The following FNIP2 variants were observed in gnomAD, a reference collection of about 807,000 sequenced individuals.
The protein encoded by FNIP2 is folliculin-interacting protein 2.
In FNIP2, 32 loss-of-function variants were observed where a neutral mutation model predicts 108.7. The ratio of observed to expected loss-of-function variants is 0.29; its 90% CI spans 0.22 to 0.40. FNIP2 has a LOEUF of 0.40. Ranked by LOEUF, FNIP2 falls within the 10% of genes least tolerant of loss-of-function variation. FNIP2 has a pLI of 1.00. For missense variants in FNIP2, 1,202 were observed against 1,381.6 expected (o/e 0.87, Z 2.06); for synonymous variants, 480 against 496.7 (o/e 0.97, Z 0.45).
intron 1 of FNIP2, among the ~76,000 whole-genome samples, chr4:158,782,886 A>G (rs570249567): frequency 6.6e-6 from 1 of 152,272 alleles, no homozygotes; most frequent in Non-Finnish European, 1.5e-5. Context: ...GAAGCGCACA[A>G]CCTCTGCTTG....
In FNIP2 at chr4:158,868,227, C is replaced by T; in HGVS notation, c.1591C>T (p.Gln531Ter). Residue 531 changes from glutamine (Q) to a stop codon, truncating the protein, a stop_gained, in exon 13 of 17, where the codon CAA (glutamine) becomes TAA (stop). Coordinates refer to ENST00000264433, the MANE Select transcript of FNIP2 (RefSeq NM_020840.3). LOFTEE classifies it high-confidence loss of function. The surrounding 1 kb of genome is among the most constrained non-coding windows in gnomAD (Gnocchi z 4.6). ...LTYFLRCSEL[Q>*]ENQLTWSGNH... The stretch of plus-strand genomic sequence containing the variant: ...CTACTTTCTCCGTTGCTCTGAGCTA[C>T]AAGAGAACCAGCTGACCTGGAGTGG... 6.2e-7 allele frequency: 1 copy of T among 1,614,060 alleles called. No homozygotes were observed. The highest frequency in any genetic ancestry group is 8.5e-7 in the Non-Finnish European group (1 of 1,179,910).
chr4:158,906,855 C>T lies in FNIP2; in HGVS notation c.*2311C>T, dbSNP rs932935614. 1 of 152,082 alleles carries T rather than the reference C, an allele frequency of 6.6e-6. No homozygotes were observed. The highest frequency in any genetic ancestry group is 2.4e-5 in the African/African-American group (1 of 41,402). 9.4% of individuals were successfully genotyped at this position (152,082 alleles called of 1,614,324 possible). A position where few individuals can be genotyped will look rare whatever the true frequency, so the allele number is the denominator to read the frequency against. On this transcript the variant is annotated 3_prime_UTR_variant, in exon 17 of 17. Transcript: ENST00000264433. The stretch of plus-strand genomic sequence containing the variant: ...GTGTTGAGATCCACCGCTCACACGC[C>T]GTACACCACCCAGTGGCTTCATTCT...
chr4:158,791,118 GAGA>G (rs1048895234), intron 1 of FNIP2, among the ~76,000 whole-genome samples: 7 of 151,792 alleles, frequency 4.6e-5, no homozygotes, highest in Non-Finnish European at 7.4e-5. Flanking sequence ...AGCAATAAAC[GAGA>G]AGGTGGAATT....
At chr4:158,780,799 G>C (rs1776016231) in intron 1 of FNIP2, among the ~76,000 whole-genome samples, 2 of 152,210 alleles carry the variant, frequency 1.3e-5, no homozygotes, top group Non-Finnish European at 2.9e-5. Flanking sequence ...CTGGGAGGCT[G>C]AGGCAGGCAG....
chr4:158,869,017 G>C lies in FNIP2; in HGVS notation c.2381G>C (p.Gly794Ala), dbSNP rs1560817508. 1.2e-6 allele frequency: 2 copies of C among 1,614,010 alleles called. No individual in the cohort carries two copies. Among genetic ancestry groups the C allele is most frequent in the Middle Eastern group, 1.6e-4 (1 of 6,062 alleles). The change falls in exon 13 of 17, where the codon GGT (glycine) becomes GCT (alanine). Residue 794 changes from glycine (G) to alanine (A), a missense_variant. Coordinates refer to ENST00000264433, the MANE Select transcript of FNIP2 (RefSeq NM_020840.3). ...SEGDEGESDK[G>A]FAEDRGSRND... ...GGGGATGAAGGCGAGTCTGACAAGG[G>C]TTTTGCAGAGGACAGAGGCAGCAGA...
chr4:158,863,511 G>A (rs138725891), intron 12 of FNIP2, among the ~76,000 whole-genome samples: 3 of 152,162 alleles, frequency 2.0e-5, no homozygotes, highest in African/African-American at 4.8e-5. Flanking sequence ...GAGGGAAGCC[G>A]GATGCCACTT....
At chr4:158,882,942 C>T (rs1781771649) in intron 14 of FNIP2, among the ~76,000 whole-genome samples, 1 of 151,928 alleles carries the variant, frequency 6.6e-6, no homozygotes, top group African/African-American at 2.4e-5. Flanking sequence ...CCACTATTGT[C>T]CTATGACCCT....
At chr4:158,861,267 T>C (rs958355837) in intron 10 of FNIP2, 75 bp from the exon 11 acceptor site, 2 of 1,481,474 alleles carry the variant, frequency 1.4e-6, no homozygotes, top group Admixed American at 4.8e-5. Flanking sequence ...GTTTTCTCCT[T>C]TATTCTTTTA....
chr4:158,895,778 A>G lies in FNIP2; in HGVS notation c.3179A>G (p.Gln1060Arg). The G allele has an allele frequency of 1.2e-6, 2 of 1,612,720 alleles. No individual in the cohort carries two copies. The highest frequency in any genetic ancestry group is 1.7e-6 in the Non-Finnish European group (2 of 1,179,242). ...ATCATGCATCTTGAAGATAGACTAC[A>G]GGAGATGTACCTTAAAAGTAAAATG... ...FCIMHLEDRLQEMYLKSKMLS... is the reference protein window; with the variant it reads ...FCIMHLEDRLREMYLKSKMLS... Residue 1060 changes from glutamine to arginine, a missense_variant, in exon 16 of 17, where the codon CAG becomes CGG. Physicochemically the swap from Gln to Arg is conservative, Grantham distance 43. Around this residue, in one of 5 missense-constraint regions of FNIP2, gnomAD observed 142 missense variants for 183.8 expected, o/e 0.77. Transcript: ENST00000264433.
intron 14 of FNIP2, chr4:158,871,852 C>T: frequency 1.0e-6 from 1 of 985,432 alleles, no homozygotes; most frequent in Non-Finnish European, 1.2e-6. Context: ...AAAATGCCCT[C>T]ATTGTATAAT....
rs183255399 is a variant in FNIP2, at chr4:158,845,329, A to G, written c.728-5992A>G. On this transcript the variant is annotated intron_variant, in intron 7 of 16. Transcript: ENST00000264433. ...GCACAGCTAGCACTGAACTCATGCAAAAGTTCTTTTCATTATCATGTAGAT... is the reference window on the plus strand; with the variant it reads ...GCACAGCTAGCACTGAACTCATGCAGAAGTTCTTTTCATTATCATGTAGAT... 5.3e-5 allele frequency among the ~76,000 whole-genome samples: 8 copies of G among 152,344 alleles called. No individual in the cohort carries two copies. The East Asian group carries it at 1.5e-3, about 29-fold the overall frequency.
chr4:158,780,820 G>C (rs1202986479), intron 1 of FNIP2, among the ~76,000 whole-genome samples: 4 of 152,098 alleles, frequency 2.6e-5, no homozygotes, highest in African/African-American at 9.7e-5. Context: ...ATCATTTGAG[G>C]TCAGGAGTTC....
intron 8 of FNIP2, among the ~76,000 whole-genome samples, chr4:158,857,568 A>G (rs937404666): frequency 1.3e-5 from 2 of 152,204 alleles, no homozygotes; most frequent in Non-Finnish European, 2.9e-5. Flanking sequence ...AACCATACCT[A>G]CATCTCCAGG....
intron 1 of FNIP2, among the ~76,000 whole-genome samples, chr4:158,771,686 C>T (rs1041750931): frequency 1.3e-5 from 2 of 152,294 alleles, no homozygotes; most frequent in East Asian, 3.9e-4. Flanking sequence ...ATTGAAAATT[C>T]ACTGAGGATT....
intron 6 of FNIP2, chr4:158,833,855 C>T: frequency 6.7e-7 from 1 of 1,482,466 alleles, no homozygotes. Flanking sequence ...GAAGGAGGAC[C>T]TCTCCGGCTC....
chr4:158,859,309 G>A (rs1269266772), intron 9 of FNIP2, 51 bp downstream of exon 9: 1 of 1,519,984 alleles, frequency 6.6e-7, no homozygotes, highest in East Asian at 2.4e-5. Flanking sequence ...GTGGGGCTTT[G>A]AAGATGGCAG....
At chr4:158,797,392 G>C (rs564790638) in intron 1 of FNIP2, among the ~76,000 whole-genome samples, 1 of 152,140 alleles carries the variant, frequency 6.6e-6, no homozygotes, top group Admixed American at 6.5e-5. Flanking sequence ...AGGCTATTAC[G>C]GTAGTCCTGG....
Position 158,861,440 on chromosome 4 carries a change from G to C in FNIP2, c.1247G>C (p.Arg416Pro). The part of the protein sequence containing the change: ...GTLEKNQLCQ[R>P]FLKEFTLLIE... ...TTGGAAAAAAACCAGCTCTGCCAGCGCTTTCTCAAGGAGTTTACACTTCTG... is the reference window on the plus strand; with the variant it reads ...TTGGAAAAAAACCAGCTCTGCCAGCCCTTTCTCAAGGAGTTTACACTTCTG... The change falls in exon 11 of 17, where the codon CGC (arginine) becomes CCC (proline). Residue 416 changes from arginine to proline, a missense_variant. Arg to Pro is a moderately radical substitution (Grantham distance 103, BLOSUM62 -2). This residue lies in a region of FNIP2 where 878 missense variants were observed against 990.3 expected (regional missense o/e 0.89). Coordinates refer to ENST00000264433, the MANE Select transcript of FNIP2 (RefSeq NM_020840.3). The C allele has an allele frequency of 6.2e-7, 1 of 1,613,950 alleles. No individual in the cohort carries two copies. Among genetic ancestry groups the C allele is most frequent in the Non-Finnish European group, 8.5e-7 (1 of 1,179,888 alleles).
intron 1 of FNIP2, among the ~76,000 whole-genome samples, chr4:158,813,233 T>C (rs760112643): frequency 3.9e-5 from 6 of 152,156 alleles, no homozygotes; most frequent in African/African-American, 1.2e-4. Flanking sequence ...CTTTGCTGGA[T>C]TGTAAGGTAA....
Sources: gnomAD v4.1 joint callset for allele counts (sites outside exome capture counted in the v4.1 genomes callset) on GRCh38, gnomAD v4.1.1 for gene constraint, gnomAD v4.1.1 regional missense constraint, Gnocchi (gnomAD v3.1) non-coding constraint, MANE v1.5 for transcripts, NCBI Gene and HGNC (gene_info 2026-07-23, HGNC 2026-07-21) for gene names.